Variants in NUDT19 observed in about 807,000 individuals in gnomAD.
NUDT19 encodes the protein nudix hydrolase 19, also known as acyl-coenzyme A diphosphatase NUDT19.
NUDT19 carries 31 observed loss-of-function variants against 22.2 expected under a neutral mutation model. The observed-to-expected ratio is 1.40, with a 90% CI of 1.05 to 1.89. The LOEUF (loss-of-function observed/expected upper bound fraction) is 1.89, where lower values mean the gene tolerates loss of function less well. Ranked by LOEUF, NUDT19 falls within the 40% of genes most tolerant of loss-of-function variation. The pLI is 0.00. For synonymous variants in NUDT19, 325 were observed against 230.8 expected (o/e 1.41, Z -3.70); for missense variants, 752 against 514.2 (o/e 1.46, Z -4.47).
intron 1 of NUDT19, 56 bp downstream of exon 1, chr19:32,692,730 C>T: frequency 7.5e-7 from 1 of 1,338,418 alleles, no homozygotes; most frequent in Admixed American, 3.2e-5. Flanking sequence ...GGGAGGACCC[C>T]TCCCAGCGGC....
rs538956411 is a variant in NUDT19, at chr19:32,707,750, G to A, written c.715-1435G>A. On this transcript the variant is annotated intron_variant, in intron 1 of 2. Transcript: ENST00000397061. ...TCCCAGCACTTTGAGAGGCCGAGGC[G>A]GGTGGATCACAAAGTCAGGAGATCG... Among the ~76,000 whole-genome samples the A allele has an allele frequency of 1.4e-4, 21 of 152,138 alleles. No individual in the cohort carries two copies. The East Asian group carries it at 2.1e-3, about 15-fold the overall frequency.
chr19:32,700,372 T>C (rs373865608), intron 1 of NUDT19, among the ~76,000 whole-genome samples: 17 of 152,106 alleles, frequency 1.1e-4, no homozygotes, highest in African/African-American at 3.6e-4. Flanking sequence ...GAGTACTGAT[T>C]GGTGCGTTTA....
At chr19:32,710,191 AT>A (rs1015492897) in intron 2 of NUDT19, among the ~76,000 whole-genome samples, 1 of 141,708 alleles carries the variant, frequency 7.1e-6, no homozygotes, top group Admixed American at 7.1e-5. Context: ...TTTTTGTATT[AT>A]TAGTAGAGAC....
intron 1 of NUDT19, among the ~76,000 whole-genome samples, chr19:32,702,147 C>T (rs897496279): frequency 1.4e-4 from 21 of 152,248 alleles, no homozygotes; most frequent in Admixed American, 2.6e-4. Flanking sequence ...TAAAAAGTTG[C>T]GACCTGGGCC....
intron 1 of NUDT19, among the ~76,000 whole-genome samples, chr19:32,695,182 C>T (rs958514241): frequency 1.3e-5 from 2 of 152,126 alleles, no homozygotes; most frequent in Non-Finnish European, 2.9e-5. Flanking sequence ...TTTTATTTTT[C>T]ATTTTTATTT....
chr19:32,699,089 C>T (rs1968300855), intron 1 of NUDT19, among the ~76,000 whole-genome samples: 1 of 152,164 alleles, frequency 6.6e-6, no homozygotes, highest in Non-Finnish European at 1.5e-5. Flanking sequence ...TTCTAAAATT[C>T]CAGATAATCC....
At chr19:32,701,063 A>G (rs912942303) in intron 1 of NUDT19, among the ~76,000 whole-genome samples, 4 of 151,480 alleles carry the variant, frequency 2.6e-5, no homozygotes, top group Non-Finnish European at 5.9e-5. Context: ...AATTATTGAG[A>G]CTTGTTTTAT....
intron 2 of NUDT19, among the ~76,000 whole-genome samples, chr19:32,709,843 C>T (rs1395752198): frequency 3.3e-5 from 5 of 151,234 alleles, no homozygotes; most frequent in Non-Finnish European, 7.4e-5. Context: ...TTAGTAGATA[C>T]GGGGTTTCAC....
chr19:32,709,653 CT>C (rs766801801), intron 2 of NUDT19, among the ~76,000 whole-genome samples: 1,860 of 143,946 alleles, frequency 0.013, 43 homozygotes, highest in African/African-American at 0.041. Flanking sequence ...TAATTTCTCA[CT>C]TTTTTTTTTT....
At chr19:32,699,572 TCAG>T (rs1276105271) in intron 1 of NUDT19, among the ~76,000 whole-genome samples, 1 of 152,186 alleles carries the variant, frequency 6.6e-6, no homozygotes, top group Non-Finnish European at 1.5e-5. Context: ...TGTCTTTAGT[TCAG>T]CAGCCACACT....
In NUDT19 at chr19:32,711,735, A is replaced by AT. The variant is rs1568435754; in HGVS notation, c.923-11dup. The AT allele has an allele frequency of 3.5e-6, 5 of 1,444,794 alleles. No homozygotes were observed. The highest frequency in any genetic ancestry group is 2.8e-5 in the African/African-American group (2 of 70,628). 89.5% of individuals were successfully genotyped at this position (1,444,794 alleles called of 1,614,324 possible). On this transcript the variant is annotated splice_polypyrimidine_tract_variant and intron_variant, in intron 2 of 2. Transcript: ENST00000397061. ...ATTTTGTATTTAAAAATAAAATCAGATTTTTTCCTTTTTCAGGTGATGAGC... is the reference window on the plus strand; with the variant it reads ...ATTTTGTATTTAAAAATAAAATCAGATTTTTTTCCTTTTTCAGGTGATGAGC...
chr19:32,693,547 G>T (rs56139414), intron 1 of NUDT19, among the ~76,000 whole-genome samples: 2 of 152,126 alleles, frequency 1.3e-5, no homozygotes, highest in Admixed American at 1.3e-4. Context: ...TGGCTGGGTG[G>T]CCAGCTTTTA....
intron 1 of NUDT19, among the ~76,000 whole-genome samples, chr19:32,703,841 T>A (rs759410650): frequency 6.6e-6 from 1 of 151,398 alleles, no homozygotes; most frequent in Admixed American, 6.6e-5. Context: ...TTTTGTACTT[T>A]TAGTAGAGAT....
chr19:32,701,437 A>T (rs140044996), intron 1 of NUDT19, among the ~76,000 whole-genome samples: 3,518 of 152,048 alleles, frequency 0.023, 71 homozygotes, highest in Non-Finnish European at 0.033. Flanking sequence ...ACCTCAGGTG[A>T]TCCACCTGTC....
At chr19:32,701,212 T>G (rs889777016) in intron 1 of NUDT19, among the ~76,000 whole-genome samples, 2 of 146,482 alleles carry the variant, frequency 1.4e-5, no homozygotes, top group South Asian at 4.4e-4. Context: ...TTTTTTTTTT[T>G]TTTTTTTTTT....
At chr19:32,697,547 C>T (rs149182576) in intron 1 of NUDT19, among the ~76,000 whole-genome samples, 118 of 152,282 alleles carry the variant, frequency 7.7e-4, no homozygotes, top group Non-Finnish European at 1.0e-3. Flanking sequence ...CAGATGTTTA[C>T]GACTCCAGTC....
At chr19:32,694,970 AG>A (rs35501148) in intron 1 of NUDT19, among the ~76,000 whole-genome samples, 3 of 152,092 alleles carry the variant, frequency 2.0e-5, no homozygotes, top group South Asian at 4.1e-4. Context: ...CCTGTCCTGA[AG>A]GGGGTTCCTC....
rs534498735 is a variant in NUDT19, at chr19:32,708,910, C to T, written c.715-275C>T. 7.7e-4 allele frequency among the ~76,000 whole-genome samples: 118 copies of T among 152,316 alleles called. 2 individuals carry two copies. The highest frequency in any genetic ancestry group is 6.3e-3 in the Admixed American group (97 of 15,282). On this transcript the variant is annotated intron_variant, in intron 1 of 2. Transcript: ENST00000397061. ...CTTACCCTCTCTGCATCTCCCACCT[C>T]TTATGCTGAACAGCTCTCCCAGGTC...
In NUDT19 at chr19:32,692,545, C is replaced by A. The variant is rs1316629013; in HGVS notation, c.585C>A (p.His195Gln). ...LDCTPDIWAL[H>Q]NWSAWLTPFL... The stretch of plus-strand genomic sequence containing the variant: ...GCACACCCGACATCTGGGCGCTGCA[C>A]AACTGGAGCGCCTGGCTCACCCCTT... Residue 195 changes from histidine (H) to glutamine (Q), a missense_variant, in exon 1 of 3, where the codon CAC becomes CAA. Coordinates refer to ENST00000397061, the MANE Select transcript of NUDT19 (RefSeq NM_001105570.2). 1 of 1,595,372 alleles carries A rather than the reference C, an allele frequency of 6.3e-7. No homozygotes were observed. Among genetic ancestry groups the A allele is most frequent in the African/African-American group, 1.4e-5 (1 of 73,214 alleles).
Sources: gnomAD v4.1 joint callset for allele counts (sites outside exome capture counted in the v4.1 genomes callset) on GRCh38, gnomAD v4.1.1 for gene constraint, MANE v1.5 for transcripts, NCBI Gene and HGNC (gene_info 2026-07-23, HGNC 2026-07-21) for gene names.